The following TUSC3 variants were observed in gnomAD, a reference collection of about 807,000 sequenced individuals.
TUSC3 encodes tumor suppressor candidate 3, also known as dolichyl-diphosphooligosaccharide--protein glycosyltransferase subunit TUSC3.
In TUSC3, 45 loss-of-function variants were observed where a neutral mutation model predicts 44.8. The ratio of observed to expected loss-of-function variants is 1.00; its 90% CI spans 0.79 to 1.29. The LOEUF is 1.29. Among genes scored for constraint, TUSC3 ranks in the 50% most tolerant of loss-of-function variants. The pLI, the probability that TUSC3 is intolerant of heterozygous loss-of-function variation, is 0.00. For missense variants in TUSC3, 519 were observed against 437.9 expected, an observed-to-expected ratio of 1.19 and a Z score of -1.65; for synonymous variants, 212 against 152.9, an observed-to-expected ratio of 1.39 and a Z score of -2.85.
chr8:15,761,917 T>C (rs1486564784), intron 10 of TUSC3, among the ~76,000 whole-genome samples: 2 of 152,134 alleles, frequency 1.3e-5, no homozygotes. Context: ...AGCAAAAGTA[T>C]TTATTAGACA....
At chr8:15,791,276 C>G in the TUSC3 span, among the ~76,000 whole-genome samples, 2 of 126,278 alleles carry the variant, frequency 1.6e-5, no homozygotes, top group South Asian at 2.3e-4. Flanking sequence ...AGCGCCCCCC[C>G]CAACCCACGC....
intron 1 of TUSC3, among the ~76,000 whole-genome samples, chr8:15,565,322 G>T (rs927474951): frequency 3.3e-5 from 5 of 151,992 alleles, no homozygotes; most frequent in Non-Finnish European, 5.9e-5. Context: ...TACTATTTTG[G>T]ATCTACCTGG....
intron 1 of TUSC3, among the ~76,000 whole-genome samples, chr8:15,622,758 C>G (rs1301760179): frequency 1.3e-5 from 2 of 151,902 alleles, no homozygotes; most frequent in East Asian, 1.9e-4. Context: ...TTTTACTGGG[C>G]TTCCCCTTTC....
chr8:15,814,193 G>C, the TUSC3 span, among the ~76,000 whole-genome samples: 1 of 152,140 alleles, frequency 6.6e-6, no homozygotes, highest in African/African-American at 2.4e-5. Context: ...TTTAATGTTT[G>C]ACTTACCTGT....
At chr8:15,657,684 C>G (rs1278387145) in intron 3 of TUSC3, among the ~76,000 whole-genome samples, 1 of 152,168 alleles carries the variant, frequency 6.6e-6, no homozygotes, top group African/African-American at 2.4e-5. Context: ...CTAGTATGCT[C>G]TTCCAGATTC....
chr8:15,427,412 G>T (rs118083605), intron 1 of TUSC3, among the ~76,000 whole-genome samples: 1 of 151,954 alleles, frequency 6.6e-6, no homozygotes, highest in Non-Finnish European at 1.5e-5. Context: ...GCTGGCACCA[G>T]GGAAAGGCAG....
At chr8:15,600,676 T>G (rs1394040044) in intron 1 of TUSC3, among the ~76,000 whole-genome samples, 6 of 151,504 alleles carry the variant, frequency 4.0e-5, no homozygotes, top group Non-Finnish European at 8.9e-5. Flanking sequence ...ATACAAAGTA[T>G]GAGGTACTGT....
At chr8:15,700,214 T>C (rs900226699) in intron 6 of TUSC3, among the ~76,000 whole-genome samples, 1 of 152,154 alleles carries the variant, frequency 6.6e-6, no homozygotes, top group Non-Finnish European at 1.5e-5. Context: ...ATCATGCTTT[T>C]CCACCAGACA....
intron 7 of TUSC3, 69 bp downstream of exon 7, chr8:15,730,798 T>G: frequency 6.8e-7 from 1 of 1,473,498 alleles, no homozygotes; most frequent in Non-Finnish European, 9.4e-7. Flanking sequence ...ATTGACATTT[T>G]TCCTGGCAGT....
chr8:15,622,964 C>A (rs747112712), intron 1 of TUSC3, 116 bp from the exon 2 acceptor site: 5 of 1,056,718 alleles, frequency 4.7e-6, no homozygotes, highest in African/African-American at 1.6e-5. Context: ...TTTATCTTTT[C>A]TATAAACTTG....
At chr8:15,473,797 C>A (rs1800531388) in intron 1 of TUSC3, among the ~76,000 whole-genome samples, 1 of 152,102 alleles carries the variant, frequency 6.6e-6, no homozygotes, top group African/African-American at 2.4e-5. Flanking sequence ...CAGGACAAGG[C>A]AAAACAGAAC....
intron 2 of TUSC3, among the ~76,000 whole-genome samples, chr8:15,637,829 C>T (rs1301657450): frequency 6.6e-6 from 1 of 151,954 alleles, no homozygotes; most frequent in Non-Finnish European, 1.5e-5. Flanking sequence ...TCACTTCTTC[C>T]TCCCTCCTAT....
chr8:15,487,166 AT>A (rs752557905), intron 2 of TUSC3, among the ~76,000 whole-genome samples: 1 of 152,126 alleles, frequency 6.6e-6, no homozygotes, highest in Non-Finnish European at 1.5e-5. Context: ...TGTTTTAATG[AT>A]TTTAGTTCTT....
intron 1 of TUSC3, among the ~76,000 whole-genome samples, chr8:15,583,536 A>G (rs1282343890): frequency 6.6e-6 from 1 of 152,178 alleles, no homozygotes. Flanking sequence ...TTTTCTTTGT[A>G]GCTCCAGAGA....
At chr8:15,446,446 C>G (rs982825394) in intron 1 of TUSC3, among the ~76,000 whole-genome samples, 1 of 152,102 alleles carries the variant, frequency 6.6e-6, no homozygotes, top group African/African-American at 2.4e-5. Context: ...ACATTGAGCA[C>G]TGAGTGAGCG....
chr8:15,629,754 A>G (rs1417744490), intron 2 of TUSC3, among the ~76,000 whole-genome samples: 10 of 151,062 alleles, frequency 6.6e-5, no homozygotes, highest in Non-Finnish European at 1.5e-4. Flanking sequence ...AAAAAAGCGA[A>G]ATTTTCTTCT....
At chr8:15,660,655 G>A (rs1439802374) in intron 4 of TUSC3, among the ~76,000 whole-genome samples, 1 of 151,798 alleles carries the variant, frequency 6.6e-6, no homozygotes, top group African/African-American at 2.4e-5. Context: ...TGGTACCACT[G>A]TCATTGTAAA....
intron 1 of TUSC3, among the ~76,000 whole-genome samples, chr8:15,463,017 C>A (rs1235757252): frequency 6.6e-6 from 1 of 151,914 alleles, no homozygotes; most frequent in Non-Finnish European, 1.5e-5. Context: ...TCTTTATTTT[C>A]TGTTTCTCCT....
intron 6 of TUSC3, among the ~76,000 whole-genome samples, chr8:15,678,549 T>C (rs1223437991): frequency 1.3e-5 from 2 of 152,228 alleles, no homozygotes; most frequent in African/African-American, 4.8e-5. Flanking sequence ...ATCATATGTC[T>C]TGTAAACAAT....
Sources: gnomAD v4.1 joint callset for allele counts (sites outside exome capture counted in the v4.1 genomes callset) on GRCh38, gnomAD v4.1.1 for gene constraint, MANE v1.5 for transcripts, NCBI Gene and HGNC (gene_info 2026-07-23, HGNC 2026-07-21) for gene names.